The following ADH4 variants were observed in gnomAD, a reference collection of about 807,000 sequenced individuals.
ADH4 encodes the protein all-trans-retinol dehydrogenase [NAD(+)] ADH4.
ADH4 carries 31 observed loss-of-function variants against 35.2 expected under a neutral mutation model. The ratio of observed to expected loss-of-function variants is 0.88; its 90% CI spans 0.66 to 1.19. ADH4 has a LOEUF of 1.19. Ranked by LOEUF, ADH4 falls within the 50% of genes most tolerant of loss-of-function variation. The pLI is 0.00. For missense variants in ADH4, 476 were observed against 458.3 expected, an observed-to-expected ratio of 1.04 and a Z score of -0.35; for synonymous variants, 171 against 160.2, an observed-to-expected ratio of 1.07 and a Z score of -0.51.
At chr4:99,143,393 A>G in intron 1 of ADH4, 1 of 427,030 alleles carries the variant, frequency 2.3e-6, no homozygotes, top group Non-Finnish European at 4.2e-6. Context: ...TAGGATATAA[A>G]TTAAATAAAA....
Position 99,127,196 on chromosome 4 carries a change from A to T in ADH4, c.979+13T>A, listed in dbSNP as rs1729124049. 1.3e-6 allele frequency: 2 copies of T among 1,585,170 alleles called. No homozygotes were observed. The highest frequency in any genetic ancestry group is 1.7e-6 in the Non-Finnish European group (2 of 1,170,300). ...GAAAAGAATTTAAAGCTATGAAGAA[A>T]AAAAAAACTGACCACCAAAGAATGT... On this transcript the variant is annotated intron_variant, in intron 7 of 8. Transcript: ENST00000265512.
intron 5 of ADH4, among the ~76,000 whole-genome samples, 156 bp from the exon 6 acceptor site, chr4:99,131,920 G>A (rs898508229): frequency 2.0e-5 from 3 of 152,140 alleles, no homozygotes; most frequent in African/African-American, 7.2e-5. Context: ...CTGCCAATGC[G>A]AAAATGGATG....
intron 8 of ADH4, among the ~76,000 whole-genome samples, chr4:99,125,924 G>C (rs1049976305): frequency 6.6e-6 from 1 of 151,986 alleles, no homozygotes; most frequent in Non-Finnish European, 1.5e-5. Context: ...TGTTCCTAAT[G>C]TTTTTGACCT....
rs1378840702 is a variant in ADH4 at position 99,124,884 on chromosome 4, G to A, written c.1119-418C>T. Among the ~76,000 whole-genome samples, 4 of 104,038 alleles carry A rather than the reference G, an allele frequency of 3.8e-5. No individual in the cohort carries two copies. In the East Asian group the frequency reaches 1.3e-3, roughly 33 times the overall value. 68.3% of individuals were successfully genotyped at this position (104,038 alleles called of 152,430 possible). On this transcript the variant is annotated intron_variant, in intron 8 of 8. Transcript: ENST00000265512. ...GATGCTACTTTTTAAGAACCCAGAT[G>A]TTCTTATTTCTGGGTAACTCCAACA...
In ADH4 at chr4:99,124,290, G is replaced by A; in HGVS notation, c.*152C>T. 1 of 613,812 alleles carries A rather than the reference G, an allele frequency of 1.6e-6. No individual in the cohort carries two copies. The highest frequency in any genetic ancestry group is 2.9e-6 in the Non-Finnish European group (1 of 348,612). 38.0% of individuals were successfully genotyped at this position (613,812 alleles called of 1,614,324 possible). On this transcript the variant is annotated 3_prime_UTR_variant, in exon 9 of 9. Transcript: ENST00000265512. ...TATTCATATATATAACAGGTACAAA[G>A]TCTATAATATTTAAAGCTCTTTTAT...
chr4:99,130,922 A>G (rs1482200511), intron 6 of ADH4, among the ~76,000 whole-genome samples: 1 of 152,138 alleles, frequency 6.6e-6, no homozygotes, highest in African/African-American at 2.4e-5. Context: ...TTCTACATTA[A>G]CAAATGTTAA....
intron 1 of ADH4, among the ~76,000 whole-genome samples, chr4:99,143,830 A>G (rs1729714663): frequency 6.6e-6 from 1 of 152,192 alleles, no homozygotes. Context: ...ATCCCCAAAT[A>G]AGATACATTG....
Position 99,126,741 on chromosome 4 carries a change from TG to T in ADH4, c.980-10del, listed in dbSNP as rs1449250264. The T allele has an allele frequency of 6.3e-7, 1 of 1,581,350 alleles. No homozygotes were observed. Among genetic ancestry groups the T allele is most frequent in the South Asian group, 1.1e-5 (1 of 86,958 alleles). ...ATCTACACTTTTCCAACCTGTAATG[TG>T]GACAAAATGCAAAATAAAGACATGG... On this transcript the variant is annotated splice_polypyrimidine_tract_variant and intron_variant, in intron 7 of 8. Transcript: ENST00000265512.
At chr4:99,143,556 ATCT>A (rs1195590818) in intron 1 of ADH4, among the ~76,000 whole-genome samples, 1 of 152,126 alleles carries the variant, frequency 6.6e-6, no homozygotes, top group Non-Finnish European at 1.5e-5. Flanking sequence ...CAAACCTATA[ATCT>A]TCTGTTCTAA....
chr4:99,130,101 G>T (rs1341031447), intron 6 of ADH4, among the ~76,000 whole-genome samples: 1 of 152,044 alleles, frequency 6.6e-6, no homozygotes, highest in Non-Finnish European at 1.5e-5. Flanking sequence ...TAGTGTTAAG[G>T]TTTTTACATC....
At chr4:99,129,459 G>A (rs1729206744) in intron 6 of ADH4, among the ~76,000 whole-genome samples, 1 of 152,148 alleles carries the variant, frequency 6.6e-6, no homozygotes, top group African/African-American at 2.4e-5. Context: ...ATTTAGAATA[G>A]TCTTTCTAAG....
At chr4:99,143,943 A>G (rs1729719445) in intron 1 of ADH4, among the ~76,000 whole-genome samples, 1 of 152,180 alleles carries the variant, frequency 6.6e-6, no homozygotes, top group East Asian at 1.9e-4. Context: ...ATTATATTTT[A>G]TGGTTACAGC....
rs371948277 is a variant in ADH4 at position 99,130,923 on chromosome 4, C to A, written c.843+581G>T. Among the ~76,000 whole-genome samples, 6 of 152,020 alleles carry A rather than the reference C, an allele frequency of 3.9e-5. No homozygotes were observed. In the East Asian group the frequency reaches 7.7e-4, roughly 20 times the overall value. On this transcript the variant is annotated intron_variant, in intron 6 of 8. Coordinates refer to ENST00000265512, the MANE Select transcript of ADH4 (RefSeq NM_000670.5). ...TGTTAAAGAAAAGATTCTACATTAA[C>A]AAATGTTAATATTAATAATGTATAT...
chr4:99,133,985 A>T (rs913901105), intron 5 of ADH4, among the ~76,000 whole-genome samples: 5 of 152,176 alleles, frequency 3.3e-5, no homozygotes, highest in Non-Finnish European at 7.3e-5. Context: ...TTATGCTTTT[A>T]AAAAAATGAA....
intron 7 of ADH4, 125 bp from the exon 8 acceptor site, chr4:99,126,857 T>A: frequency 1.2e-6 from 1 of 829,766 alleles, no homozygotes; most frequent in Non-Finnish European, 1.7e-6. Flanking sequence ...TTAAACTCCT[T>A]CCATCTTTAA....
chr4:99,143,279 C>T, intron 1 of ADH4: 1 of 699,834 alleles, frequency 1.4e-6, no homozygotes, highest in Admixed American at 2.0e-5. Flanking sequence ...AGATGAAAGC[C>T]CTGCCTCAAA....
intron 6 of ADH4, among the ~76,000 whole-genome samples, chr4:99,129,871 C>T (rs896302333): frequency 6.6e-6 from 1 of 151,964 alleles, no homozygotes; most frequent in Non-Finnish European, 1.5e-5. Flanking sequence ...TTATGTATTC[C>T]CCTGCTGTAC....
intron 8 of ADH4, among the ~76,000 whole-genome samples, chr4:99,126,222 G>T (rs29001224): frequency 6.6e-6 from 1 of 152,070 alleles, no homozygotes; most frequent in South Asian, 2.1e-4. Context: ...AAGGGTCTGG[G>T]GTAGGCACTC....
At chr4:99,128,837 T>A (rs1399985056) in intron 6 of ADH4, among the ~76,000 whole-genome samples, 1 of 152,042 alleles carries the variant, frequency 6.6e-6, no homozygotes, top group Non-Finnish European at 1.5e-5. Context: ...TCTCACTCTG[T>A]TGCCCAGGCT....
Sources: allele counts gnomAD v4.1 joint callset (sites outside exome capture counted in the v4.1 genomes callset), GRCh38; gene constraint gnomAD v4.1.1; transcripts MANE v1.5; gene names NCBI Gene and HGNC (gene_info 2026-07-23, HGNC 2026-07-21).